TLR5: variants seen among roughly 807,000 people sequenced by gnomAD.
TLR5 encodes the protein toll-like receptor 5.
For synonymous variants in TLR5, 373 were observed against 384.4 expected (o/e 0.97, Z 0.35); for missense variants, 944 against 999.8 (o/e 0.94, Z 0.75).
intron 3 of TLR5, 106 bp downstream of exon 3, chr1:223,137,072 C>G (rs1657643017): frequency 6.6e-6 from 1 of 152,250 alleles, no homozygotes; most frequent in African/African-American, 2.4e-5. Context: ...ATGTGCCCGC[C>G]TCAGCATCCC....
At chr1:223,116,322 T>C (rs1377490038) in intron 5 of TLR5, among the ~76,000 whole-genome samples, 3 of 152,138 alleles carry the variant, frequency 2.0e-5, no homozygotes, top group African/African-American at 4.8e-5. Context: ...GGGGGGCTCA[T>C]GGCCTCGCTG....
chr1:223,137,494 A>G (rs1224167715), intron 2 of TLR5, among the ~76,000 whole-genome samples: 1 of 152,154 alleles, frequency 6.6e-6, no homozygotes, highest in Non-Finnish European at 1.5e-5. Flanking sequence ...GACTAGCACT[A>G]TTAGGAAGGA....
At chr1:223,119,983 A>AAAATAAAAT (rs1656870667) in intron 5 of TLR5, among the ~76,000 whole-genome samples, 1 of 63,118 alleles carries the variant, frequency 1.6e-5, no homozygotes, top group African/African-American at 9.7e-5. Flanking sequence ...TAAAATAAAT[A>AAAATAAAAT]AAATAAAATA....
chr1:223,139,773 T>C (rs1425332808), intron 2 of TLR5, among the ~76,000 whole-genome samples: 1 of 152,152 alleles, frequency 6.6e-6, no homozygotes, highest in Non-Finnish European at 1.5e-5. Flanking sequence ...CACCACTGCA[T>C]TACACTCAGA....
chr1:223,140,344 C>T (rs546415098), intron 2 of TLR5, among the ~76,000 whole-genome samples: 29 of 152,136 alleles, frequency 1.9e-4, no homozygotes, highest in African/African-American at 6.0e-4. Context: ...GTCAGGAGTT[C>T]GAGACCAGCC....
intron 5 of TLR5, among the ~76,000 whole-genome samples, chr1:223,119,898 C>T (rs1377458016): frequency 4.3e-5 from 6 of 141,028 alleles, no homozygotes; most frequent in South Asian, 2.2e-4. Flanking sequence ...TGCAGTAAGC[C>T]GAGATCATGC....
chr1:223,116,555 G>C (rs562469609), intron 5 of TLR5, among the ~76,000 whole-genome samples: 1 of 152,296 alleles, frequency 6.6e-6, no homozygotes, highest in Admixed American at 6.5e-5. Context: ...TTACTGCAAA[G>C]AGCAAAAGAA....
chr1:223,117,937 T>C (rs750454592), intron 5 of TLR5, among the ~76,000 whole-genome samples: 1 of 152,250 alleles, frequency 6.6e-6, no homozygotes, highest in Non-Finnish European at 1.5e-5. Flanking sequence ...CATCATGAAG[T>C]GATTTTCCGA....
rs750671292 is a variant in TLR5, at chr1:223,111,699, G to A, written c.1333C>T (p.Leu445=). Residue 445 remains leucine, a synonymous_variant, in exon 6 of 6, where the codon CTA becomes TTA. Transcript: ENST00000642603. ...AGAATCTGGAGATGAGGTACCCGTA[G>A]GAGAAAGTAGAGAATATCTAGATTT... ...LENLDILYFL[L]RVPHLQILIL... is the part of the protein sequence containing the mutation. 3 of 1,614,054 alleles carry A rather than the reference G, an allele frequency of 1.9e-6. No individual in the cohort carries two copies. In the Admixed American group the frequency reaches 5.0e-5, roughly 27 times the overall value.
chr1:223,130,914 G>A (rs1028731881), intron 5 of TLR5, among the ~76,000 whole-genome samples: 1 of 152,110 alleles, frequency 6.6e-6, no homozygotes, highest in Admixed American at 6.5e-5. Flanking sequence ...ATTCCCAGCT[G>A]GAAGAAGCTT....
At position 223,131,774 on chromosome 1, in the gene TLR5, T is replaced by C. The variant is rs997087768; in HGVS notation, c.-5+701A>G. Among the ~76,000 whole-genome samples, 2 of 151,868 alleles carry C rather than the reference T, an allele frequency of 1.3e-5. No individual in the cohort carries two copies. Among genetic ancestry groups the C allele is most frequent in the African/African-American group, 4.8e-5 (2 of 41,362 alleles). On this transcript the variant is annotated intron_variant, in intron 5 of 5. Transcript: ENST00000642603. The surrounding 1 kb of genome is among the most constrained non-coding windows in gnomAD (Gnocchi z 4.2). ...TTGTTTTTGTTTTGTAGAGACAGGG[T>C]TCCACCATGTTGCCCAGACTGGTCT...
At chr1:223,137,019 C>CG (rs1224143144) in intron 3 of TLR5, among the ~76,000 whole-genome samples, 159 bp downstream of exon 3, 1 of 152,058 alleles carries the variant, frequency 6.6e-6, no homozygotes, top group African/African-American at 2.4e-5. Context: ...AAGTGGGTCT[C>CG]GCCATGTTGC....
rs2102855648 is a variant in TLR5, at chr1:223,110,654, C to A, written c.2378G>T (p.Gly793Val). ...LNSALIMVVV[G>V]SLSQYQLMKH... ...CATCAACTGGTACTGGGACAAGGAC[C>A]CAACCACCACCATGATGAGAGCACT... The change falls in exon 6 of 6, where the codon GGG (glycine) becomes GTG (valine). Residue 793 changes from glycine (G) to valine (V), a missense_variant. Coordinates refer to ENST00000642603, the MANE Select transcript of TLR5 (RefSeq NM_003268.6). The A allele has an allele frequency of 6.2e-7, 1 of 1,614,086 alleles. No homozygotes were observed. The highest frequency in any genetic ancestry group is 1.1e-5 in the South Asian group (1 of 91,070).
chr1:223,111,016 C>G lies in TLR5; in HGVS notation c.2016G>C (p.Lys672Asn). The G allele has an allele frequency of 6.2e-7, 1 of 1,614,154 alleles. No homozygotes were observed. The highest frequency in any genetic ancestry group is 8.5e-7 in the Non-Finnish European group (1 of 1,180,026). Residue 672 changes from lysine (K) to asparagine (N), a missense_variant, in exon 6 of 6, where the codon AAG (lysine) becomes AAC (asparagine). By Grantham distance (94) the Lys-to-Asn change is moderately conservative (BLOSUM62 0). Coordinates refer to ENST00000642603, the MANE Select transcript of TLR5 (RefSeq NM_003268.6). ...KFRGFCFICY[K>N]TAQRLVFKDH... ...CCTTGAACACCAGTCTCTGGGCTGT[C>G]TTATAACAGATAAAACAGAAGCCCC...
At chr1:223,139,704 C>T (rs990487363) in intron 2 of TLR5, among the ~76,000 whole-genome samples, 2 of 152,094 alleles carry the variant, frequency 1.3e-5, no homozygotes, top group African/African-American at 4.8e-5. Flanking sequence ...GGGGGCAGAT[C>T]AAGAAGACTC....
At position 223,131,692 on chromosome 1, in the gene TLR5, T is replaced by C. The variant is rs1275561890; in HGVS notation, c.-5+783A>G. The stretch of plus-strand genomic sequence containing the variant: ...GATGCTCCCATCTCAGCTTCCCAAG[T>C]AGTTGGGACTACAGGCTTGTACCAC... On this transcript the variant is annotated intron_variant, in intron 5 of 5. Coordinates refer to ENST00000642603, the MANE Select transcript of TLR5 (RefSeq NM_003268.6). This position sits in a 1 kb window ranked among gnomAD's most constrained non-coding sequence, Gnocchi z 4.2. Among the ~76,000 whole-genome samples, 2 of 152,186 alleles carry C rather than the reference T, an allele frequency of 1.3e-5. No homozygotes were observed. Among genetic ancestry groups the C allele is most frequent in the East Asian group, 3.9e-4 (2 of 5,194 alleles).
chr1:223,130,476 GCTGCCAGGTGCAGAGGGCTCCT>G (rs1351977426), intron 5 of TLR5, among the ~76,000 whole-genome samples: 2 of 152,152 alleles, frequency 1.3e-5, no homozygotes, highest in African/African-American at 4.8e-5. Flanking sequence ...TGCAGAAAAG[GCTGCCAGGTGCAGAGGGCTCCT>G]CTGCCAGTTC....
Position 223,112,715 on chromosome 1 carries a change from TTAC to T in TLR5, c.314_316del (p.Ser105del), listed in dbSNP as rs749416460. On this transcript the variant is annotated inframe_deletion, in exon 6 of 6. Transcript: ENST00000642603. ...AGCATCTGGATGCAAGAAGTATATC[TTAC>T]TACTTCCCAGGTCCAAGATTCTAAG... The T allele has an allele frequency of 1.2e-6, 2 of 1,614,202 alleles. No homozygotes were observed. The highest frequency in any genetic ancestry group is 1.7e-6 in the Non-Finnish European group (2 of 1,180,026).
chr1:223,115,962 T>C (rs561767255), intron 5 of TLR5, among the ~76,000 whole-genome samples: 69 of 152,334 alleles, frequency 4.5e-4, no homozygotes, highest in Admixed American at 2.5e-3. Context: ...CCTTCGCAAG[T>C]GCTGCTTCCT....
Sources: gnomAD v4.1 joint callset for allele counts (sites outside exome capture counted in the v4.1 genomes callset) on GRCh38, gnomAD v4.1.1 for gene constraint, Gnocchi (gnomAD v3.1) non-coding constraint, MANE v1.5 for transcripts, NCBI Gene and HGNC (gene_info 2026-07-23, HGNC 2026-07-21) for gene names.